Variants in WDR33 observed in about 807,000 individuals in gnomAD.
The protein encoded by WDR33 is pre-mRNA 3' end processing protein WDR33.
In WDR33, 47 loss-of-function variants were observed where a neutral mutation model predicts 164.9. The observed-to-expected ratio is 0.29, with a 90% CI of 0.23 to 0.36. The LOEUF is 0.36. Ranked by LOEUF, WDR33 falls within the 10% of genes least tolerant of loss-of-function variation. The pLI, the probability that WDR33 is intolerant of heterozygous loss-of-function variation, is 1.00. For missense variants in WDR33, 1,137 were observed against 1,754.1 expected (o/e 0.65, Z 6.28); for synonymous variants, 505 against 589.0 (o/e 0.86, Z 2.06).
At position 127,719,448 on chromosome 2, in the gene WDR33, T is replaced by C. The variant is rs746897676; in HGVS notation, c.2577A>G (p.Gln859=). The C allele has an allele frequency of 2.5e-6, 4 of 1,575,556 alleles. No homozygotes were observed. The African/African-American group carries it at 4.1e-5, about 16-fold the overall frequency. The change falls in exon 16 of 22, where the codon CAA becomes CAG. Residue 859 remains glutamine, a synonymous_variant. Transcript: ENST00000322313. The surrounding 1 kb of genome is among the most constrained non-coding windows in gnomAD (Gnocchi z 6.5). ...AGCCCTGGGGCGGCCCCTGCTGACT[T>C]TGTGAGCCTGGAGGCCCTCGCAATT... ...PQELRGPPGS[Q]SQQGPPQGSL...
Position 127,738,009 on chromosome 2 carries a change from C to G in WDR33, c.725-11232G>C. 1.2e-6 allele frequency: 2 copies of G among 1,613,048 alleles called. No homozygotes were observed. Among genetic ancestry groups the G allele is most frequent in the South Asian group, 1.1e-5 (1 of 90,870 alleles). On this transcript the variant is annotated intron_variant, in intron 7 of 21. Coordinates refer to ENST00000322313, the MANE Select transcript of WDR33 (RefSeq NM_018383.5). The surrounding 1 kb of genome is among the most constrained non-coding windows in gnomAD (Gnocchi z 4.4). ...ACTTTGTCCACCTACTGTTATTCAC[C>G]TCTTGACAGAAAGGAAGTAACAACG...
At chr2:127,767,247 CA>C (rs1000622108) in intron 4 of WDR33, among the ~76,000 whole-genome samples, 1 of 152,132 alleles carries the variant, frequency 6.6e-6, no homozygotes, top group African/African-American at 2.4e-5. Flanking sequence ...TTCTCGGTCT[CA>C]TTTTTTTTCA....
Position 127,723,404 on chromosome 2 carries a change from A to T in WDR33, c.1197-57T>A. 7.2e-7 allele frequency: 1 copy of T among 1,391,430 alleles called. No homozygotes were observed. 86.2% of individuals were successfully genotyped at this position (1,391,430 alleles called of 1,614,324 possible). On this transcript the variant is annotated intron_variant, in intron 11 of 21. Coordinates refer to ENST00000322313, the MANE Select transcript of WDR33 (RefSeq NM_018383.5). This position sits in a 1 kb window ranked among gnomAD's most constrained non-coding sequence, Gnocchi z 5.9. ...TGGCTTCACTATTTTTTTGGGCACTAAACAGTACTAGGCAGACCCTTGGTA... is the reference window on the plus strand; with the variant it reads ...TGGCTTCACTATTTTTTTGGGCACTTAACAGTACTAGGCAGACCCTTGGTA...
intron 7 of WDR33, among the ~76,000 whole-genome samples, chr2:127,729,989 C>T (rs1255866167): frequency 2.0e-5 from 3 of 152,160 alleles, no homozygotes; most frequent in Non-Finnish European, 4.4e-5. Context: ...CTCAAAAATG[C>T]ATACCATGTG....
chr2:127,726,862 G>A lies in WDR33; in HGVS notation c.725-85C>T, dbSNP rs924146370. On this transcript the variant is annotated intron_variant, in intron 7 of 21. Coordinates refer to ENST00000322313, the MANE Select transcript of WDR33 (RefSeq NM_018383.5). The surrounding 1 kb of genome is among the most constrained non-coding windows in gnomAD (Gnocchi z 4.8). ...ACCAAAGTAGAGAAACCTAGTAAAT[G>A]TTTTGCTCTCAGTGCTCAGTCAACT... 6.5e-6 allele frequency: 10 copies of A among 1,546,660 alleles called. No individual in the cohort carries two copies. The Admixed American group carries it at 1.8e-4, about 28-fold the overall frequency.
At position 127,704,938 on chromosome 2, in the gene WDR33, A is replaced by T. The variant is rs140589041; in HGVS notation, c.*1385T>A. The T allele has an allele frequency of 4.4e-5, 7 of 157,848 alleles. No homozygotes were observed. Among genetic ancestry groups the T allele is most frequent in the African/African-American group, 1.7e-4 (7 of 41,540 alleles). The allele number at this position is 157,848 out of a possible 1,614,324, so 9.8% of individuals were successfully genotyped here. Reference sequence around the variant, plus strand: ...CTCCATCTCTACAAAAAACACACACACAAAAAATTAGCTGGGCATGGTGGC... The same window carrying T: ...CTCCATCTCTACAAAAAACACACACTCAAAAAATTAGCTGGGCATGGTGGC... On this transcript the variant is annotated 3_prime_UTR_variant, in exon 22 of 22. Transcript: ENST00000322313.
rs1573871863 is a variant in WDR33, at chr2:127,706,371, A to G, written c.3963T>C (p.Ser1321=). ...GTGAAGCTCCTCGCCTCGGCGGGCC[A>G]GAGTTCATGTTACTCCCTCTACCCC... ...SNWGRGSNMN[S]GPPRRGASRG... Residue 1321 remains serine (S), a synonymous_variant, in exon 22 of 22, where the codon TCT becomes TCC. Transcript: ENST00000322313. The surrounding 1 kb of genome is among the most constrained non-coding windows in gnomAD (Gnocchi z 5.1). The G allele has an allele frequency of 1.2e-6, 2 of 1,606,962 alleles. No individual in the cohort carries two copies. Among genetic ancestry groups the G allele is most frequent in the Non-Finnish European group, 1.7e-6 (2 of 1,176,552 alleles).
chr2:127,736,326 C>T, intron 7 of WDR33: 1 of 985,272 alleles, frequency 1.0e-6, no homozygotes, highest in Non-Finnish European at 1.2e-6. Context: ...GGGCCTTTAA[C>T]CTTTAATTTG....
Position 127,764,100 on chromosome 2 carries a change from T to A in WDR33, c.626+728A>T, listed in dbSNP as rs984946417. On this transcript the variant is annotated intron_variant, in intron 6 of 21. Coordinates refer to ENST00000322313, the MANE Select transcript of WDR33 (RefSeq NM_018383.5). This position sits in a 1 kb window ranked among gnomAD's most constrained non-coding sequence, Gnocchi z 6.2. ...AGGCTGCAGCAATTCTTCAGGCTTG[T>A]ATTTGGAACTTTTTCCCCCAGTTTT... The A allele has an allele frequency of 5.1e-5, 50 of 988,580 alleles. No homozygotes were observed. Among genetic ancestry groups the A allele is most frequent in the Non-Finnish European group, 5.9e-5 (49 of 832,346 alleles). 61.2% of individuals were successfully genotyped at this position (988,580 alleles called of 1,614,324 possible). A position where few individuals can be genotyped will look rare whatever the true frequency, so the allele number is the denominator to read the frequency against.
Position 127,701,588 on chromosome 2 carries a change from G to T in WDR33, c.*4735C>A. ...TGGCGCAGGGGAAAGCTGGCGGCCC[G>T]GCGGCCGCGGAGCCGCTGCTCGCCG... On this transcript the variant is annotated 3_prime_UTR_variant, in exon 22 of 22. Coordinates refer to ENST00000322313, the MANE Select transcript of WDR33 (RefSeq NM_018383.5). The T allele has an allele frequency of 2.4e-5, 33 of 1,359,444 alleles. No homozygotes were observed. The highest frequency in any genetic ancestry group is 3.1e-5 in the Non-Finnish European group (33 of 1,055,792). The allele number at this position is 1,359,444 out of a possible 1,614,324, so 84.2% of individuals were successfully genotyped here. A position where few individuals can be genotyped will look rare whatever the true frequency, so the allele number is the denominator to read the frequency against.
chr2:127,798,459 A>G (rs1295448031), intron 1 of WDR33, among the ~76,000 whole-genome samples: 4 of 151,656 alleles, frequency 2.6e-5, no homozygotes, highest in African/African-American at 7.3e-5. Context: ...AATCCTAAAG[A>G]GCTGGTTGGC....
Position 127,709,105 on chromosome 2 carries a change from A to G in WDR33, c.3566-213T>C, listed in dbSNP as rs539340884. Among the ~76,000 whole-genome samples the G allele has an allele frequency of 1.3e-5, 2 of 152,318 alleles. No individual in the cohort carries two copies. Among genetic ancestry groups the G allele is most frequent in the Non-Finnish European group, 2.9e-5 (2 of 68,014 alleles). On this transcript the variant is annotated intron_variant, in intron 20 of 21. Transcript: ENST00000322313. The surrounding 1 kb of genome is among the most constrained non-coding windows in gnomAD (Gnocchi z 5.0). Reference sequence around the variant, plus strand: ...CAGAGAACTCGTTCTCAGGCATTGTAGTATCAAGACGTCTTTACAGTCTCA... The same window carrying G: ...CAGAGAACTCGTTCTCAGGCATTGTGGTATCAAGACGTCTTTACAGTCTCA...
chr2:127,806,043 T>C (rs1248972622), intron 1 of WDR33, among the ~76,000 whole-genome samples: 1 of 151,364 alleles, frequency 6.6e-6, no homozygotes, highest in Admixed American at 6.6e-5. Flanking sequence ...AGCTGGGAGG[T>C]TGAGGCTGCA....
chr2:127,736,586 G>A (rs754977303), intron 7 of WDR33: 38 of 985,262 alleles, frequency 3.9e-5, no homozygotes, highest in Non-Finnish European at 4.3e-5. Context: ...GGTTTCTATT[G>A]ATTTGTACCA....
Position 127,718,943 on chromosome 2 carries a change from G to A in WDR33, c.2760+322C>T, listed in dbSNP as rs1686358641. Among the ~76,000 whole-genome samples, 1 of 152,094 alleles carries A rather than the reference G, an allele frequency of 6.6e-6. No homozygotes were observed. The highest frequency in any genetic ancestry group is 2.1e-4 in the South Asian group (1 of 4,826). On this transcript the variant is annotated intron_variant, in intron 16 of 21. Coordinates refer to ENST00000322313, the MANE Select transcript of WDR33 (RefSeq NM_018383.5). This position sits in a 1 kb window ranked among gnomAD's most constrained non-coding sequence, Gnocchi z 4.4. ...CATGTAAAACATGCTTCCTCCTCAG[G>A]GCCACAGCTCTCCTGGAGCCCTGGG...
chr2:127,740,402 C>T (rs1686978965), intron 7 of WDR33, among the ~76,000 whole-genome samples: 2 of 152,118 alleles, frequency 1.3e-5, no homozygotes, highest in South Asian at 4.1e-4. Flanking sequence ...CACACGCACA[C>T]ATACACACAC....
rs1422597165 is a variant in WDR33 at position 127,713,036 on chromosome 2, C to T, written c.3308+547G>A. ...CCACCCAAAGTGCTGGGATTACAGG[C>T]GTGAGCCACTGGTCCTGGGCTAATT... On this transcript the variant is annotated intron_variant, in intron 18 of 21. Coordinates refer to ENST00000322313, the MANE Select transcript of WDR33 (RefSeq NM_018383.5). The surrounding 1 kb of genome is among the most constrained non-coding windows in gnomAD (Gnocchi z 6.2). Among the ~76,000 whole-genome samples the T allele has an allele frequency of 1.3e-5, 2 of 152,212 alleles. No homozygotes were observed. The highest frequency in any genetic ancestry group is 2.4e-5 in the African/African-American group (1 of 41,452).
chr2:127,746,418 A>C (rs1310335027), intron 7 of WDR33, among the ~76,000 whole-genome samples: 2 of 152,212 alleles, frequency 1.3e-5, no homozygotes, highest in African/African-American at 4.8e-5. Flanking sequence ...AATCAAATTA[A>C]GTAAAATATG....
chr2:127,789,434 T>C (rs1688762867), intron 1 of WDR33, among the ~76,000 whole-genome samples: 6 of 121,870 alleles, frequency 4.9e-5, no homozygotes, highest in South Asian at 3.2e-4. Context: ...TGAACGAGAC[T>C]CCGTCTGCAA....
Sources: gnomAD v4.1 joint callset for allele counts (sites outside exome capture counted in the v4.1 genomes callset) on GRCh38, gnomAD v4.1.1 for gene constraint, Gnocchi (gnomAD v3.1) non-coding constraint, MANE v1.5 for transcripts, NCBI Gene and HGNC (gene_info 2026-07-23, HGNC 2026-07-21) for gene names.